The following ENPP2 variants were observed in gnomAD, a reference collection of about 807,000 sequenced individuals.
ENPP2 encodes autotaxin.
In ENPP2, 51 loss-of-function variants were observed where a neutral mutation model predicts 120.2. That is an observed-to-expected ratio of 0.42 (90% CI 0.34 to 0.54). The LOEUF (loss-of-function observed/expected upper bound fraction) is 0.54, where lower values mean the gene tolerates loss of function less well. ENPP2 is among the 20% of genes least tolerant of loss of function. The probability of loss-of-function intolerance (pLI) is 0.04; values close to 1 mark genes in which losing one functional copy is unlikely to be tolerated. For missense variants in ENPP2, 920 were observed against 1,066.5 expected, an observed-to-expected ratio of 0.86 and a Z score of 1.91; for synonymous variants, 365 against 366.4, an observed-to-expected ratio of 1.00 and a Z score of 0.04.
chr8:119,602,324 G>A (rs1011410680), intron 9 of ENPP2, among the ~76,000 whole-genome samples: 1 of 152,088 alleles, frequency 6.6e-6, no homozygotes, highest in Non-Finnish European at 1.5e-5. Context: ...AGGCATGGTG[G>A]CACATGCCTG....
chr8:119,610,916 A>T (rs1323950419), intron 8 of ENPP2, among the ~76,000 whole-genome samples: 4 of 151,944 alleles, frequency 2.6e-5, no homozygotes, highest in African/African-American at 9.7e-5. Flanking sequence ...AAAAAAAAAA[A>T]AAAATACAAC....
intron 1 of ENPP2, among the ~76,000 whole-genome samples, chr8:119,663,781 G>C (rs1563781191): frequency 6.6e-6 from 1 of 152,194 alleles, no homozygotes. Flanking sequence ...CAAGGGAAAA[G>C]TACGATAATC....
intron 8 of ENPP2, among the ~76,000 whole-genome samples, chr8:119,611,932 G>C (rs1326066908): frequency 6.6e-6 from 1 of 152,178 alleles, no homozygotes; most frequent in Non-Finnish European, 1.5e-5. Context: ...AGGAGGTAGA[G>C]GTATGAGAAT....
At chr8:119,565,478 A>G (rs1361215844) in intron 22 of ENPP2, among the ~76,000 whole-genome samples, 1 of 152,162 alleles carries the variant, frequency 6.6e-6, no homozygotes, top group Non-Finnish European at 1.5e-5. Flanking sequence ...ATTCATGTCA[A>G]GCAAAAGAAT....
intron 4 of ENPP2, 113 bp from the exon 5 acceptor site, chr8:119,619,417 CA>C (rs5894488): frequency 0.68 from 295,292 of 436,062 alleles, 78,623 homozygotes; most frequent in African/African-American, 0.85. Context: ...TGGGATATAA[CA>C]AAAAAAAAAA....
rs754303358 is a variant in ENPP2, at chr8:119,569,738, T to TTGTGTGTGTGTGTG, written c.1918-369_1918-368insCACACACACACACA. ...GATGTATCTCCTCTAAATAGACTATTTATCTGTGTGTGTGTGTGTGTGTGT... is the reference window on the plus strand; with the variant it reads ...GATGTATCTCCTCTAAATAGACTATTTGTGTGTGTGTGTGTATCTGTGTGTGTGTGTGTGTGTGT... On this transcript the variant is annotated intron_variant, in intron 20 of 24. Coordinates refer to ENST00000075322, the MANE Select transcript of ENPP2 (RefSeq NM_001040092.3). Among the ~76,000 whole-genome samples, 749 of 90,816 alleles carry TTGTGTGTGTGTGTG rather than the reference T, an allele frequency of 8.2e-3. 7 individuals carry two copies. The highest frequency in any genetic ancestry group is 0.039 in the South Asian group (112 of 2,836). The allele number at this position is 90,816 out of a possible 152,430, so 59.6% of individuals were successfully genotyped here.
At chr8:119,663,854 C>T (rs998294623) in intron 1 of ENPP2, among the ~76,000 whole-genome samples, 1 of 152,114 alleles carries the variant, frequency 6.6e-6, no homozygotes, top group African/African-American at 2.4e-5. Context: ...GTCCCTCATG[C>T]CACTATGTTG....
At chr8:119,630,024 C>G (rs1357190757) in intron 2 of ENPP2, among the ~76,000 whole-genome samples, 1 of 152,128 alleles carries the variant, frequency 6.6e-6, no homozygotes, top group Non-Finnish European at 1.5e-5. Flanking sequence ...AATTTGTTTA[C>G]AGATGTGCGG....
intron 9 of ENPP2, among the ~76,000 whole-genome samples, chr8:119,604,539 A>G (rs1351870618): frequency 2.0e-5 from 3 of 151,704 alleles, no homozygotes; most frequent in African/African-American, 7.3e-5. Context: ...CTTCACCACC[A>G]CTGATTGATG....
chr8:119,673,091 T>C (rs563838452), intron 1 of ENPP2, among the ~76,000 whole-genome samples: 2 of 152,342 alleles, frequency 1.3e-5, no homozygotes, highest in East Asian at 3.9e-4. Context: ...TTTGCGCGCC[T>C]GCAAATTGCT....
At position 119,580,187 on chromosome 8, in the gene ENPP2, T is replaced by G. The variant is rs753165140; in HGVS notation, c.1729-20A>C. On this transcript the variant is annotated intron_variant, in intron 18 of 24. Coordinates refer to ENST00000075322, the MANE Select transcript of ENPP2 (RefSeq NM_001040092.3). ...CTTGTTCTTCATGTGTGAAAACCAG[T>G]AAAGGAAAAAAGAAAGCAAATCAGA... The G allele has an allele frequency of 4.7e-5, 75 of 1,603,484 alleles. No individual in the cohort carries two copies. In the Admixed American group the frequency reaches 1.2e-3, roughly 26 times the overall value.
At chr8:119,637,199 T>C (rs1186855424) in intron 2 of ENPP2, among the ~76,000 whole-genome samples, 3 of 152,090 alleles carry the variant, frequency 2.0e-5, no homozygotes, top group Non-Finnish European at 4.4e-5. Context: ...AAAGAGGCCT[T>C]TGAAGAGAGC....
intron 2 of ENPP2, among the ~76,000 whole-genome samples, chr8:119,630,714 A>G (rs1816601866): frequency 6.6e-6 from 1 of 152,186 alleles, no homozygotes; most frequent in African/African-American, 2.4e-5. Context: ...GACAGCTTCA[A>G]ATTAGGGTAT....
At chr8:119,613,496 C>A (rs1815250203) in intron 8 of ENPP2, among the ~76,000 whole-genome samples, 2 of 151,934 alleles carry the variant, frequency 1.3e-5, no homozygotes, top group Admixed American at 6.6e-5. Context: ...ATGGTTTAGT[C>A]CCTCAGTAAA....
At chr8:119,610,452 A>G (rs1815014549) in intron 8 of ENPP2, among the ~76,000 whole-genome samples, 1 of 152,114 alleles carries the variant, frequency 6.6e-6, no homozygotes, top group Non-Finnish European at 1.5e-5. Context: ...ATATTGGTCC[A>G]GAAGAAGAAA....
chr8:119,561,229 A>G (rs1000729572), intron 24 of ENPP2, among the ~76,000 whole-genome samples: 2 of 152,214 alleles, frequency 1.3e-5, no homozygotes, highest in African/African-American at 4.8e-5. Flanking sequence ...ATCAAAAACT[A>G]TCTTGCCCAC....
At chr8:119,634,515 C>T (rs1376125477) in intron 2 of ENPP2, among the ~76,000 whole-genome samples, 1 of 151,668 alleles carries the variant, frequency 6.6e-6, no homozygotes, top group Non-Finnish European at 1.5e-5. Flanking sequence ...TACTTAACAC[C>T]TTATAGTTCT....
intron 12 of ENPP2, among the ~76,000 whole-genome samples, chr8:119,591,518 G>A (rs1015644698): frequency 2.0e-5 from 3 of 152,108 alleles, no homozygotes; most frequent in Admixed American, 6.5e-5. Flanking sequence ...GACCTGGAAC[G>A]TTTTAATATA....
At chr8:119,605,846 T>G (rs952913807) in intron 9 of ENPP2, among the ~76,000 whole-genome samples, 4 of 152,126 alleles carry the variant, frequency 2.6e-5, no homozygotes, top group African/African-American at 9.7e-5. Context: ...GTCACCAATC[T>G]AATAAGCAGC....
Sources: gnomAD v4.1 joint callset for allele counts (sites outside exome capture counted in the v4.1 genomes callset) on GRCh38, gnomAD v4.1.1 for gene constraint, MANE v1.5 for transcripts, NCBI Gene and HGNC (gene_info 2026-07-23, HGNC 2026-07-21) for gene names.